CDHR1: variants seen among roughly 807,000 people sequenced by gnomAD.
CDHR1 encodes the protein cadherin related family member 1, also known as cadherin-related family member 1.
In CDHR1, 61 loss-of-function variants were observed where a neutral mutation model predicts 72.1. The ratio of observed to expected loss-of-function variants is 0.85; its 90% CI spans 0.69 to 1.05. The LOEUF (loss-of-function observed/expected upper bound fraction) is 1.05, where lower values mean the gene tolerates loss of function less well. CDHR1 is among the 50% of genes least tolerant of loss of function. CDHR1 has a pLI of 0.00. For missense variants in CDHR1, 1,186 were observed against 1,115.7 expected (o/e 1.06, Z -0.90); for synonymous variants, 470 against 448.1 (o/e 1.05, Z -0.62).
At position 84,201,876 on chromosome 10, in the gene CDHR1, G is replaced by A. The variant is rs199671784; in HGVS notation, c.595G>A (p.Asp199Asn). Residue 199 changes from aspartate to asparagine, a missense_variant, in exon 7 of 17, where the codon GAC (aspartate) becomes AAC (asparagine). Asp to Asn is a conservative substitution (Grantham distance 23). Coordinates refer to ENST00000623527, the MANE Select transcript of CDHR1 (RefSeq NM_033100.4). Reference protein sequence around the residue: ...VLRLQAGATLDYERSRTHYIT... With the variant: ...VLRLQAGATLNYERSRTHYIT... ...GCGCCTCCAGGCTGGGGCCACTCTG[G>A]ACTACGAGAGGTCCCGGACCCACTA... The A allele has an allele frequency of 4.2e-5, 68 of 1,608,662 alleles. No homozygotes were observed. The highest frequency in any genetic ancestry group is 5.7e-5 in the Non-Finnish European group (67 of 1,179,994).
At position 84,215,773 on chromosome 10, in the gene CDHR1, A is replaced by G. The variant is rs934861951; in HGVS notation, c.*1152A>G. On this transcript the variant is annotated 3_prime_UTR_variant, in exon 17 of 17. Transcript: ENST00000623527. ...TCACATCTACTCTGCCAAGCGCCCC[A>G]GCAGGCACTGTGCTGGGCTTAGGGG... 1 of 985,470 alleles carries G rather than the reference A, an allele frequency of 1.0e-6. No homozygotes were observed. Among genetic ancestry groups the G allele is most frequent in the Non-Finnish European group, 1.2e-6 (1 of 829,964 alleles). 61.0% of individuals were successfully genotyped at this position (985,470 alleles called of 1,614,324 possible). A position where few individuals can be genotyped will look rare whatever the true frequency, so the allele number is the denominator to read the frequency against.
intron 8 of CDHR1, 40 bp from the exon 9 acceptor site, chr10:84,204,487 A>C: frequency 7.1e-7 from 1 of 1,401,126 alleles, no homozygotes; most frequent in Non-Finnish European, 1.0e-6. Flanking sequence ...GAGGGTCCCC[A>C]TATTGCCCAT....
At chr10:84,199,447 GT>G (rs1214554266) in intron 5 of CDHR1, among the ~76,000 whole-genome samples, 1 of 151,942 alleles carries the variant, frequency 6.6e-6, no homozygotes, top group Non-Finnish European at 1.5e-5. Flanking sequence ...GTTTTGTTTT[GT>G]TTTTTTCTGT....
chr10:84,208,390 G>T lies in CDHR1; in HGVS notation c.1167+13G>T. 2 of 1,613,680 alleles carry T rather than the reference G, an allele frequency of 1.2e-6. No individual in the cohort carries two copies. The highest frequency in any genetic ancestry group is 2.2e-5 in the South Asian group (2 of 91,040). On this transcript the variant is annotated intron_variant, in intron 11 of 16. Coordinates refer to ENST00000623527, the MANE Select transcript of CDHR1 (RefSeq NM_033100.4). ...TGACTCCGACCAGGTGTGTGGTCCT[G>T]CCCTCCGCTCTGCCTTCTCACAAAC...
At chr10:84,206,329 CG>C (rs1029067164) in intron 10 of CDHR1, among the ~76,000 whole-genome samples, 8 of 99,692 alleles carry the variant, frequency 8.0e-5, no homozygotes, top group Non-Finnish European at 1.2e-4. Flanking sequence ...AAGGAGGAAA[CG>C]TTGGACTCCC....
chr10:84,208,969 G>T (rs746079468), intron 12 of CDHR1, 88 bp downstream of exon 12: 13 of 1,362,252 alleles, frequency 9.5e-6, no homozygotes, highest in East Asian at 4.9e-5. Flanking sequence ...GGGGTCTCTT[G>T]TCACTCTCTG....
At chr10:84,195,630 G>C in intron 2 of CDHR1, 41 bp downstream of exon 2, 1 of 1,542,256 alleles carries the variant, frequency 6.5e-7, no homozygotes, top group Non-Finnish European at 8.9e-7. Context: ...GTCTCCCTGA[G>C]GGGTGCAGGC....
At chr10:84,195,376 G>A in intron 1 of CDHR1, 118 bp from the exon 2 acceptor site, 4 of 947,218 alleles carry the variant, frequency 4.2e-6, no homozygotes, top group South Asian at 4.2e-5. Flanking sequence ...TTGGGGAGGC[G>A]GAGCGCCCTC....
At chr10:84,195,072 G>A (rs1589292152) in intron 1 of CDHR1, among the ~76,000 whole-genome samples, 3 of 152,330 alleles carry the variant, frequency 2.0e-5, no homozygotes, top group African/African-American at 7.2e-5. Flanking sequence ...CCGGACCCCC[G>A]CTGCTCTCCG....
At chr10:84,209,863 G>C (rs1431407478) in intron 12 of CDHR1, among the ~76,000 whole-genome samples, 1 of 152,160 alleles carries the variant, frequency 6.6e-6, no homozygotes, top group African/African-American at 2.4e-5. Flanking sequence ...ATTTCACAAA[G>C]AGACATAAAG....
chr10:84,205,128 C>T (rs970403097), intron 9 of CDHR1, among the ~76,000 whole-genome samples: 1 of 152,178 alleles, frequency 6.6e-6, no homozygotes, highest in Admixed American at 6.5e-5. Context: ...ACAGTCTGTG[C>T]TCTTCCCACA....
intron 7 of CDHR1, 22 bp downstream of exon 7, chr10:84,201,942 G>C: frequency 6.5e-7 from 1 of 1,548,002 alleles, no homozygotes; most frequent in Non-Finnish European, 8.8e-7. Flanking sequence ...GGACAGGGGA[G>C]CATCCAGTGT....
chr10:84,206,547 T>C (rs1842229762), intron 10 of CDHR1, among the ~76,000 whole-genome samples: 1 of 152,232 alleles, frequency 6.6e-6, no homozygotes, highest in African/African-American at 2.4e-5. Context: ...GCAAATTATG[T>C]AGCTGGTCCT....
At chr10:84,207,515 C>T (rs1242828534) in intron 10 of CDHR1, among the ~76,000 whole-genome samples, 5 of 152,136 alleles carry the variant, frequency 3.3e-5, no homozygotes, top group Non-Finnish European at 5.9e-5. Context: ...CCAGAGCATG[C>T]TTACAGAACA....
Position 84,204,720 on chromosome 10 carries a change from G to A in CDHR1, c.862+115G>A, listed in dbSNP as rs1418556038. On this transcript the variant is annotated intron_variant, in intron 9 of 16. Coordinates refer to ENST00000623527, the MANE Select transcript of CDHR1 (RefSeq NM_033100.4). ...ACCTGTAGGACCAGGATTACAAGAT[G>A]TATGGAGAGGAAGGGCTGTGTCCAA... 1.1e-5 allele frequency: 8 copies of A among 754,170 alleles called. No homozygotes were observed. The East Asian group carries it at 1.5e-4, about 14-fold the overall frequency. 46.7% of individuals were successfully genotyped at this position (754,170 alleles called of 1,614,324 possible).
chr10:84,213,208 T>A lies in CDHR1; in HGVS notation c.1900T>A (p.Ser634Thr). The A allele has an allele frequency of 6.2e-7, 1 of 1,614,182 alleles. No individual in the cohort carries two copies. Among genetic ancestry groups the A allele is most frequent in the Non-Finnish European group, 8.5e-7 (1 of 1,180,032 alleles). The change falls in exon 16 of 17, where the codon TCC (serine) becomes ACC (threonine). Residue 634 changes from serine to threonine, a missense_variant. Coordinates refer to ENST00000623527, the MANE Select transcript of CDHR1 (RefSeq NM_033100.4). ...SHTGEIWLKN[S>T]IRSLDALHNI... ...CACGGGGGAGATCTGGCTCAAGAATTCCATCCGCTCCCTGGATGCCCTGCA... is the reference window on the plus strand; with the variant it reads ...CACGGGGGAGATCTGGCTCAAGAATACCATCCGCTCCCTGGATGCCCTGCA...
At position 84,203,062 on chromosome 10, in the gene CDHR1, A is replaced by C. The variant is rs1468444659; in HGVS notation, c.722A>C (p.Asp241Ala). The C allele has an allele frequency of 6.2e-7, 1 of 1,614,182 alleles. No individual in the cohort carries two copies. The highest frequency in any genetic ancestry group is 1.1e-5 in the South Asian group (1 of 91,078). ...TVTVNVEDVQ[D>A]MAPVFVGTPY... ...ACGGTCAATGTGGAGGATGTTCAGGACATGGCCCCTGTCTTCGTGGGCACA... is the reference window on the plus strand; with the variant it reads ...ACGGTCAATGTGGAGGATGTTCAGGCCATGGCCCCTGTCTTCGTGGGCACA... The change falls in exon 8 of 17, where the codon GAC (aspartate) becomes GCC (alanine). Residue 241 changes from aspartate (D) to alanine (A), a missense_variant. Coordinates refer to ENST00000623527, the MANE Select transcript of CDHR1 (RefSeq NM_033100.4).
Position 84,218,347 on chromosome 10 carries a change from T to C in CDHR1, c.*3726T>C, listed in dbSNP as rs1842459361. On this transcript the variant is annotated 3_prime_UTR_variant, in exon 17 of 17. Transcript: ENST00000623527. ...GATGTTGGGGACATCGGTTTGATGT[T>C]ATAAAATCGTGCACATGTACCCCTT... 2.0e-6 allele frequency: 2 copies of C among 985,438 alleles called. No homozygotes were observed. The highest frequency in any genetic ancestry group is 1.1e-4 in the East Asian group (1 of 8,816). 61.0% of individuals were successfully genotyped at this position (985,438 alleles called of 1,614,324 possible).
intron 10 of CDHR1, among the ~76,000 whole-genome samples, chr10:84,206,647 G>A (rs1363589036): frequency 6.6e-6 from 1 of 152,222 alleles, no homozygotes; most frequent in East Asian, 1.9e-4. Flanking sequence ...GACCAGTGGA[G>A]TTCCCAAATT....
Sources: allele counts gnomAD v4.1 joint callset (sites outside exome capture counted in the v4.1 genomes callset), GRCh38; gene constraint gnomAD v4.1.1; transcripts MANE v1.5; gene names NCBI Gene and HGNC (gene_info 2026-07-23, HGNC 2026-07-21).